SHROOM2: variants seen among roughly 807,000 people sequenced by gnomAD.
The protein encoded by SHROOM2 is shroom family member 2.
SHROOM2 carries 33 observed loss-of-function variants against 75.9 expected under a neutral mutation model. The observed-to-expected ratio is 0.43, with a 90% CI of 0.33 to 0.58. SHROOM2 has a LOEUF of 0.58. Among genes scored for constraint, SHROOM2 ranks in the 20% least tolerant of loss-of-function variants. The probability of loss-of-function intolerance (pLI) is 0.04; values close to 1 mark genes in which losing one functional copy is unlikely to be tolerated. For missense variants in SHROOM2, 1,434 were observed against 1,461.2 expected, an observed-to-expected ratio of 0.98 and a Z score of 0.30; for synonymous variants, 655 against 663.6, an observed-to-expected ratio of 0.99 and a Z score of 0.20.
chrX:9,816,893 A>G (rs2083825590), intron 1 of SHROOM2, among the ~76,000 whole-genome samples: 1 of 111,253 alleles, frequency 9.0e-6, no homozygotes, highest in Non-Finnish European at 1.9e-5. Context: ...ACAAACTTAA[A>G]TTTTCCAGAT....
chrX:9,857,387 T>A (rs1196908645), intron 1 of SHROOM2, among the ~76,000 whole-genome samples: 1 of 98,066 alleles, frequency 1.0e-5, no homozygotes, highest in Non-Finnish European at 2.2e-5. Flanking sequence ...AATTAAGAAT[T>A]TTTTTTTTTT....
Position 9,894,896 on chromosome X carries a change from A to G in SHROOM2, c.988A>G (p.Lys330Glu). The G allele has an allele frequency of 8.3e-7, 1 of 1,210,167 alleles. No homozygotes were observed. Among genetic ancestry groups the G allele is most frequent in the Non-Finnish European group, 1.1e-6 (1 of 894,911 alleles). Residue 330 changes from lysine (K) to glutamate (E), a missense_variant, in exon 4 of 10, where the codon AAG becomes GAG. Around this residue, in one of 3 missense-constraint regions of SHROOM2, gnomAD observed 1,340 missense variants for 1,338.3 expected, o/e 1.00. Transcript: ENST00000380913. ...PLRSDSFAAT[K>E]SHEKAQGPVF... ...CCGCAGTGACAGCTTTGCTGCCACC[A>G]AGAGCCACGAGAAGGCCCAGGGCCC...
chrX:9,848,509 T>TCA (rs749419994), intron 1 of SHROOM2, among the ~76,000 whole-genome samples: 228 of 5,794 alleles, frequency 0.039, 6 homozygotes, highest in African/African-American at 0.17. Context: ...AGACTCCGTC[T>TCA]CAAAAAAAAA....
intron 1 of SHROOM2, among the ~76,000 whole-genome samples, chrX:9,808,593 G>C (rs1169546885): frequency 2.7e-5 from 3 of 110,274 alleles, no homozygotes; most frequent in African/African-American, 9.9e-5. Flanking sequence ...TGGGCGCAGT[G>C]GTTCACGCCT....
chrX:9,876,725 T>C (rs1265660789), intron 2 of SHROOM2, among the ~76,000 whole-genome samples: 1 of 112,769 alleles, frequency 8.9e-6, no homozygotes, highest in East Asian at 2.8e-4. Flanking sequence ...GTTTGACTTG[T>C]TGCAATTGTC....
chrX:9,851,656 G>A (rs2084041591), intron 1 of SHROOM2, among the ~76,000 whole-genome samples: 1 of 101,866 alleles, frequency 9.8e-6, no homozygotes, highest in African/African-American at 3.6e-5. Context: ...TGTAGAGATG[G>A]GGTGTTGCTG....
intron 4 of SHROOM2, 106 bp downstream of exon 4, chrX:9,896,804 G>A: frequency 1.1e-6 from 1 of 888,041 alleles, no homozygotes; most frequent in South Asian, 2.9e-5. Context: ...AGCTGTGCGA[G>A]CATTTACCTT....
Position 9,927,356 on chromosome X carries a change from C to CAAAAAAA in SHROOM2, c.2892-4792_2892-4786dup, listed in dbSNP as rs56344026. 1.2e-4 allele frequency among the ~76,000 whole-genome samples: 3 copies of CAAAAAAA among 24,378 alleles called. 1 individual carries two copies. The highest frequency in any genetic ancestry group is 2.4e-4 in the Non-Finnish European group (3 of 12,384). 21.2% of individuals were successfully genotyped at this position (24,378 alleles called of 115,157 possible). ...AACAGCAAGACCCTATCTCTGTCTC[C>CAAAAAAA]AAAAAAAAAAAAAAAAAAAAAAAAA... On this transcript the variant is annotated intron_variant, in intron 5 of 9. Transcript: ENST00000380913.
intron 1 of SHROOM2, among the ~76,000 whole-genome samples, chrX:9,861,325 CCTGA>C (rs1158508696): frequency 5.4e-5 from 6 of 111,472 alleles, no homozygotes; most frequent in African/African-American, 2.0e-4. Context: ...TGCCACTGTG[CCTGA>C]CTAACTTTAA....
chrX:9,803,083 C>T (rs963137568), intron 1 of SHROOM2, among the ~76,000 whole-genome samples: 3 of 106,696 alleles, frequency 2.8e-5, no homozygotes, highest in East Asian at 2.9e-4. Context: ...CACACACCAC[C>T]CCAACTTCTG....
intron 1 of SHROOM2, among the ~76,000 whole-genome samples, chrX:9,813,863 C>T (rs189752733): frequency 8.0e-5 from 9 of 112,038 alleles, no homozygotes; most frequent in Admixed American, 2.8e-4. Flanking sequence ...ATGGTAGCTA[C>T]GCACACCTTG....
intron 1 of SHROOM2, among the ~76,000 whole-genome samples, chrX:9,791,757 C>T (rs1466945143): frequency 1.8e-5 from 2 of 110,671 alleles, no homozygotes; most frequent in South Asian, 3.8e-4. Flanking sequence ...CTTTGGGAGG[C>T]CGAGGCGAGT....
rs1569133045 is a variant in SHROOM2 at position 9,792,073 on chromosome X, ATAG to A, written c.165+5364_165+5366del. Among the ~76,000 whole-genome samples the A allele has an allele frequency of 6.9e-3, 68 of 9,858 alleles. 5 individuals are homozygous for A. Among genetic ancestry groups the A allele is most frequent in the African/African-American group, 0.01 (36 of 3,460 alleles). 8.6% of individuals were successfully genotyped at this position (9,858 alleles called of 115,157 possible). ...ATAGAATAGAATAGAATAGAATAGAATAGAATAGAATAGAATAGAATAGAATAG... is the reference window on the plus strand; with the variant it reads ...ATAGAATAGAATAGAATAGAATAGAAAATAGAATAGAATAGAATAGAATAG... On this transcript the variant is annotated intron_variant, in intron 1 of 9. Transcript: ENST00000380913.
rs188727700 is a variant in SHROOM2 at position 9,871,885 on chromosome X, T to C, written c.166-1767T>C. Among the ~76,000 whole-genome samples the C allele has an allele frequency of 3.4e-3, 378 of 112,277 alleles. 3 individuals are homozygous for C. The highest frequency in any genetic ancestry group is 0.012 in the African/African-American group (356 of 30,927). On this transcript the variant is annotated intron_variant, in intron 1 of 9. Transcript: ENST00000380913. ...TCAGGCTCACTCTTGGAAGTTGTTC[T>C]TGGGTTAGCCATGACATGCAGCTGG...
At chrX:9,877,250 C>T (rs1355416365) in intron 2 of SHROOM2, among the ~76,000 whole-genome samples, 3 of 111,583 alleles carry the variant, frequency 2.7e-5, no homozygotes, top group South Asian at 3.8e-4. Context: ...TGAGGGCCAG[C>T]GCTTCCTCTC....
chrX:9,802,104 T>A (rs1251137159), intron 1 of SHROOM2, among the ~76,000 whole-genome samples: 1 of 110,468 alleles, frequency 9.1e-6, no homozygotes, highest in Non-Finnish European at 1.9e-5. Flanking sequence ...TTTTTTTTTC[T>A]TTTTTTAAAA....
intron 5 of SHROOM2, chrX:9,913,071 T>C (rs2084446512): frequency 8.9e-6 from 1 of 112,420 alleles, no homozygotes; most frequent in East Asian, 2.8e-4. Context: ...CCTTGCTCCA[T>C]GTGAGTTCTG....
At chrX:9,873,214 A>C (rs1222566147) in intron 1 of SHROOM2, among the ~76,000 whole-genome samples, 5 of 111,986 alleles carry the variant, frequency 4.5e-5, no homozygotes, top group Admixed American at 3.8e-4. Context: ...TGGTTGTACA[A>C]CTCTGAAAAT....
chrX:9,805,078 A>T (rs1367597809), intron 1 of SHROOM2, among the ~76,000 whole-genome samples: 1 of 96,868 alleles, frequency 1.0e-5, no homozygotes. Context: ...CATGTCTACT[A>T]AAAAAAAAAA....
Sources: gnomAD v4.1 joint callset for allele counts (sites outside exome capture counted in the v4.1 genomes callset) on GRCh38, gnomAD v4.1.1 for gene constraint, gnomAD v4.1.1 regional missense constraint, MANE v1.5 for transcripts, NCBI Gene and HGNC (gene_info 2026-07-23, HGNC 2026-07-21) for gene names.